DLG2: variants seen among roughly 807,000 people sequenced by gnomAD.
The protein encoded by DLG2 is discs large MAGUK scaffold protein 2.
DLG2 carries 45 observed loss-of-function variants against 132.5 expected under a neutral mutation model. The ratio of observed to expected loss-of-function variants is 0.34; its 90% confidence interval spans 0.27 to 0.44. The LOEUF (loss-of-function observed/expected upper bound fraction) is 0.44, where lower values mean the gene tolerates loss of function less well. Among genes scored for constraint, DLG2 ranks in the 20% least tolerant of loss-of-function variants. The pLI, the probability that DLG2 is intolerant of heterozygous loss-of-function variation, is 1.00. For missense variants in DLG2, 1,045 were observed against 1,196.9 expected (o/e 0.87, Z 1.87); for synonymous variants, 424 against 419.6 (o/e 1.01, Z -0.13).
chr11:84,761,203 CT>C (rs1384884373), intron 6 of DLG2, among the ~76,000 whole-genome samples: 1 of 152,202 alleles, frequency 6.6e-6, no homozygotes, highest in Non-Finnish European at 1.5e-5. Flanking sequence ...TAATCAGATT[CT>C]CTTTCTTGGG....
intron 16 of DLG2, among the ~76,000 whole-genome samples, chr11:83,838,168 T>C (rs1382488908): frequency 6.6e-6 from 1 of 152,174 alleles, no homozygotes; most frequent in Non-Finnish European, 1.5e-5. Flanking sequence ...GGTATACTGA[T>C]TTTGCAACTA....
intron 17 of DLG2, chr11:83,790,660 C>T (rs2041286951): frequency 2.9e-6 from 3 of 1,024,006 alleles, no homozygotes. Flanking sequence ...AGTGGAGGGA[C>T]ATGATGCGGA....
chr11:84,955,203 G>C (rs2051482889), intron 6 of DLG2: 1 of 152,246 alleles, frequency 6.6e-6, no homozygotes. Context: ...CCAAAGCCTG[G>C]TCCATAACAG....
At position 84,137,305 on chromosome 11, in the gene DLG2, A is replaced by G. The variant is rs1046920647; in HGVS notation, c.624+26156T>C. On this transcript the variant is annotated intron_variant, in intron 9 of 27. Coordinates refer to ENST00000376104, the MANE Select transcript of DLG2 (RefSeq NM_001142699.3). ...TTTAATCTCCTTTTCTGGACTTTTT[A>G]AAACTCACAACCATACTCTATCATT... Among the ~76,000 whole-genome samples the G allele has an allele frequency of 2.6e-5, 4 of 152,226 alleles. No individual in the cohort carries two copies. In the East Asian group the frequency reaches 7.7e-4, roughly 29 times the overall value.
At chr11:84,506,799 ATG>A (rs1248063905) in intron 7 of DLG2, among the ~76,000 whole-genome samples, 1 of 152,186 alleles carries the variant, frequency 6.6e-6, no homozygotes, top group Non-Finnish European at 1.5e-5. Flanking sequence ...GAAGAGGAAA[ATG>A]TAAGAATTTG....
At chr11:85,035,088 G>A (rs926396818) in intron 6 of DLG2, among the ~76,000 whole-genome samples, 10 of 152,100 alleles carry the variant, frequency 6.6e-5, no homozygotes, top group African/African-American at 2.4e-4. Context: ...ATTTCTTCCT[G>A]TAATCTTGTC....
At chr11:84,698,656 A>G (rs2058872405) in intron 6 of DLG2, among the ~76,000 whole-genome samples, 1 of 151,614 alleles carries the variant, frequency 6.6e-6, no homozygotes, top group Non-Finnish European at 1.5e-5. Flanking sequence ...GTGTATCTGA[A>G]AAAATTAAAC....
chr11:83,584,919 A>T (rs749922349), intron 19 of DLG2, among the ~76,000 whole-genome samples: 1 of 152,240 alleles, frequency 6.6e-6, no homozygotes, highest in Admixed American at 6.5e-5. Context: ...AATGTGCATA[A>T]GACATGATTC....
At chr11:84,611,944 T>A (rs2099596281) in intron 6 of DLG2, among the ~76,000 whole-genome samples, 1 of 152,160 alleles carries the variant, frequency 6.6e-6, no homozygotes, top group Non-Finnish European at 1.5e-5. Flanking sequence ...TTTTTACAAC[T>A]ATTTTGAAGT....
intron 6 of DLG2, among the ~76,000 whole-genome samples, chr11:85,017,637 A>G (rs1289508942): frequency 6.6e-6 from 1 of 152,178 alleles, no homozygotes; most frequent in African/African-American, 2.4e-5. Flanking sequence ...TGCTTCAGAG[A>G]TAAGGGATTA....
intron 15 of DLG2, among the ~76,000 whole-genome samples, chr11:83,910,323 T>C (rs1565602463): frequency 6.6e-6 from 1 of 152,150 alleles, no homozygotes; most frequent in Non-Finnish European, 1.5e-5. Flanking sequence ...ACCTCAAAGC[T>C]GACAACTTTT....
chr11:85,541,080 G>A (rs915071759), intron 3 of DLG2, among the ~76,000 whole-genome samples: 1 of 152,126 alleles, frequency 6.6e-6, no homozygotes, highest in Non-Finnish European at 1.5e-5. Context: ...TAGTATTTAA[G>A]CTCTGCCTCA....
chr11:84,603,964 T>C (rs1165822852), intron 6 of DLG2, among the ~76,000 whole-genome samples: 1 of 151,848 alleles, frequency 6.6e-6, no homozygotes, highest in East Asian at 1.9e-4. Context: ...AATAAGGAAA[T>C]TTTCTTAAAG....
chr11:84,891,992 T>C (rs1015643416), intron 6 of DLG2, among the ~76,000 whole-genome samples: 7 of 152,302 alleles, frequency 4.6e-5, no homozygotes, highest in Middle Eastern at 3.4e-3. Flanking sequence ...TATATTTATA[T>C]GGTAATCTAT....
At chr11:85,234,574 A>G (rs2075479434) in intron 4 of DLG2, among the ~76,000 whole-genome samples, 3 of 152,036 alleles carry the variant, frequency 2.0e-5, no homozygotes, top group Admixed American at 2.0e-4. Flanking sequence ...TGGGGCACCC[A>G]TGGATATTAG....
At chr11:84,305,628 C>T (rs576924995) in intron 7 of DLG2, among the ~76,000 whole-genome samples, 21 of 152,074 alleles carry the variant, frequency 1.4e-4, no homozygotes, top group Non-Finnish European at 2.9e-4. Flanking sequence ...TATCTACCTA[C>T]CTACCTACCT....
At chr11:84,571,567 A>G (rs1430385851) in intron 6 of DLG2, among the ~76,000 whole-genome samples, 1 of 152,078 alleles carries the variant, frequency 6.6e-6, no homozygotes, top group African/African-American at 2.4e-5. Context: ...TGCTCACCAG[A>G]TATCAAATGC....
intron 6 of DLG2, among the ~76,000 whole-genome samples, chr11:84,830,959 C>CG (rs1187105265): frequency 1.4e-3 from 37 of 25,786 alleles, no homozygotes; most frequent in Admixed American, 6.4e-3. Context: ...CCTCCCCCCA[C>CG]CCCCCCCAGC....
chr11:85,002,032 G>A (rs1249894514), intron 6 of DLG2, among the ~76,000 whole-genome samples: 1 of 152,134 alleles, frequency 6.6e-6, no homozygotes, highest in African/African-American at 2.4e-5. Context: ...CATAAGCCCT[G>A]GGTGTTGCCC....
Sources: allele counts gnomAD v4.1 joint callset (sites outside exome capture counted in the v4.1 genomes callset), GRCh38; gene constraint gnomAD v4.1.1; transcripts MANE v1.5; gene names NCBI Gene and HGNC (gene_info 2026-07-23, HGNC 2026-07-21).